The following PPP2R3A variants were observed in gnomAD, a reference collection of about 807,000 sequenced individuals.
PPP2R3A encodes the protein protein phosphatase 2 regulatory subunit B''alpha, also known as serine/threonine-protein phosphatase 2A regulatory subunit B'' subunit alpha.
In PPP2R3A, 80 loss-of-function variants were observed where a neutral mutation model predicts 106.9. The observed-to-expected ratio is 0.75, with a 90% CI of 0.62 to 0.90. The LOEUF is 0.90. Among genes scored for constraint, PPP2R3A ranks in the 40% least tolerant of loss-of-function variants. The pLI is 0.00. For synonymous variants in PPP2R3A, 483 were observed against 468.3 expected, an observed-to-expected ratio of 1.03 and a Z score of -0.41; for missense variants, 1,386 against 1,350.4, an observed-to-expected ratio of 1.03 and a Z score of -0.41.
Position 136,145,234 on chromosome 3 carries a change from C to T in PPP2R3A, c.*68C>T, listed in dbSNP as rs1939071924. On this transcript the variant is annotated 3_prime_UTR_variant, in exon 14 of 14. Transcript: ENST00000264977. The stretch of plus-strand genomic sequence containing the variant: ...TTTCTTTCTTGTGAAGAGATGTTCT[C>T]GTTTGCATACTGCTTTTTAAAGACT... 6 of 1,517,394 alleles carry T rather than the reference C, an allele frequency of 4.0e-6. 1 individual carries two copies. The South Asian group carries it at 6.5e-5, about 16-fold the overall frequency. The allele number at this position is 1,517,394 out of a possible 1,614,324, so 94.0% of individuals were successfully genotyped here. A position where few individuals can be genotyped will look rare whatever the true frequency, so the allele number is the denominator to read the frequency against.
chr3:136,123,958 G>A (rs975794666), intron 13 of PPP2R3A, among the ~76,000 whole-genome samples: 5 of 152,182 alleles, frequency 3.3e-5, no homozygotes, highest in South Asian at 4.1e-4. Flanking sequence ...TCATCCAGGT[G>A]TACACAGAAC....
intron 3 of PPP2R3A, among the ~76,000 whole-genome samples, chr3:136,032,463 A>T (rs1333654374): frequency 6.6e-6 from 1 of 151,170 alleles, no homozygotes; most frequent in African/African-American, 2.4e-5. Flanking sequence ...GTAAACGATC[A>T]TATCATCAGC....
chr3:136,070,358 C>A, intron 5 of PPP2R3A, 120 bp from the exon 6 acceptor site: 2 of 631,324 alleles, frequency 3.2e-6, no homozygotes. Context: ...ATTTTAAGTG[C>A]ATTATTCATT....
At chr3:136,040,159 A>G (rs776548454) in intron 3 of PPP2R3A, among the ~76,000 whole-genome samples, 1 of 152,188 alleles carries the variant, frequency 6.6e-6, no homozygotes, top group Non-Finnish European at 1.5e-5. Flanking sequence ...ACACGAAGTT[A>G]TTTTCTGCTT....
chr3:136,060,083 G>C (rs998533935), intron 5 of PPP2R3A, among the ~76,000 whole-genome samples: 14 of 152,154 alleles, frequency 9.2e-5, no homozygotes, highest in African/African-American at 3.4e-4. Flanking sequence ...AAACCCTCTT[G>C]ACGCAAGTTT....
In PPP2R3A at chr3:136,095,135, G is replaced by GT. The variant is rs200773773; in HGVS notation, c.2927+4478dup. ...GTTAATTCTCCAGCATCTTTGAACT[G>GT]TTTTTTTTTTCTATGGGGGGAGGTC... On this transcript the variant is annotated intron_variant, in intron 10 of 13. Coordinates refer to ENST00000264977, the MANE Select transcript of PPP2R3A (RefSeq NM_002718.5). Among the ~76,000 whole-genome samples, 1,193 of 149,794 alleles carry GT rather than the reference G, an allele frequency of 8.0e-3. 12 individuals are homozygous for GT. Among genetic ancestry groups the GT allele is most frequent in the East Asian group, 0.049 (249 of 5,120 alleles).
chr3:135,983,075 G>T (rs1194203577), intron 1 of PPP2R3A, among the ~76,000 whole-genome samples: 1 of 152,152 alleles, frequency 6.6e-6, no homozygotes, highest in Non-Finnish European at 1.5e-5. Context: ...GGCATCAGTG[G>T]GGTCAAGAAA....
intron 13 of PPP2R3A, among the ~76,000 whole-genome samples, chr3:136,112,772 A>C (rs1356384398): frequency 2.6e-5 from 4 of 152,234 alleles, no homozygotes; most frequent in African/African-American, 9.6e-5. Context: ...AGCAATCTAC[A>C]GATTCAGTGC....
At chr3:136,060,296 T>C (rs561671811) in intron 5 of PPP2R3A, among the ~76,000 whole-genome samples, 1 of 152,300 alleles carries the variant, frequency 6.6e-6, no homozygotes, top group Admixed American at 6.5e-5. Context: ...ATCTCACTTA[T>C]ATGTAAATCT....
Position 136,064,277 on chromosome 3 carries a change from G to T in PPP2R3A, c.2470-6201G>T, listed in dbSNP as rs565783774. On this transcript the variant is annotated intron_variant, in intron 5 of 13. Transcript: ENST00000264977. ...CTCTGGGGACTGTTGTGGGGTGGGG[G>T]GAGGGGGGAGGGATAGCATTTGGAG... 1.2e-4 allele frequency among the ~76,000 whole-genome samples: 13 copies of T among 111,198 alleles called. No individual in the cohort carries two copies. The South Asian group carries it at 4.2e-3, about 36-fold the overall frequency. The allele number at this position is 111,198 out of a possible 152,430, so 73.0% of individuals were successfully genotyped here.
At chr3:136,119,186 G>A (rs1004149981) in intron 13 of PPP2R3A, among the ~76,000 whole-genome samples, 2 of 152,064 alleles carry the variant, frequency 1.3e-5, no homozygotes, top group African/African-American at 4.8e-5. Context: ...AACTGAAACT[G>A]GATCCCTTCC....
intron 5 of PPP2R3A, among the ~76,000 whole-genome samples, chr3:136,062,630 A>G (rs1424364489): frequency 6.6e-6 from 1 of 151,796 alleles, no homozygotes; most frequent in East Asian, 1.9e-4. Context: ...GGGCAGGAGA[A>G]TGGCGTGAAC....
intron 12 of PPP2R3A, among the ~76,000 whole-genome samples, chr3:136,104,290 TTC>T (rs1452068804): frequency 2.2e-5 from 3 of 134,984 alleles, no homozygotes; most frequent in Non-Finnish European, 4.8e-5. Flanking sequence ...TTATATTTGT[TTC>T]TTTCTTTGTG....
chr3:136,133,556 T>C (rs1419299208), intron 13 of PPP2R3A, among the ~76,000 whole-genome samples: 1 of 152,078 alleles, frequency 6.6e-6, no homozygotes, highest in Non-Finnish European at 1.5e-5. Flanking sequence ...TTAGAAAAGT[T>C]TGGCAGTTTC....
At chr3:136,041,250 G>GT (rs1246326384) in intron 4 of PPP2R3A, among the ~76,000 whole-genome samples, 17,669 of 55,278 alleles carry the variant, frequency 0.32, 3,261 homozygotes, top group African/African-American at 0.46. Context: ...TTTTTTTTTT[G>GT]TTTTTTTTTT....
chr3:136,031,963 C>T (rs1051154703), intron 3 of PPP2R3A, among the ~76,000 whole-genome samples: 3 of 152,088 alleles, frequency 2.0e-5, no homozygotes, highest in African/African-American at 7.2e-5. Context: ...ATTCTTTTTG[C>T]TTAGTCTTGC....
intron 13 of PPP2R3A, among the ~76,000 whole-genome samples, chr3:136,128,520 A>C (rs1392813412): frequency 2.6e-5 from 4 of 152,214 alleles, no homozygotes; most frequent in African/African-American, 7.2e-5. Flanking sequence ...TTCATAAAGC[A>C]AGTTCTCAGA....
intron 10 of PPP2R3A, among the ~76,000 whole-genome samples, chr3:136,100,684 G>GA (rs1452517010): frequency 6.6e-6 from 1 of 150,662 alleles, no homozygotes. Context: ...GATGCCATCT[G>GA]AAAAAAAAAT....
intron 8 of PPP2R3A, among the ~76,000 whole-genome samples, chr3:136,087,245 G>GTGTCTC (rs1403359444): frequency 2.7e-5 from 2 of 75,078 alleles, no homozygotes; most frequent in Non-Finnish European, 5.1e-5. Flanking sequence ...CTCTAGTCGT[G>GTGTCTC]TCTCTCTCTC....
Sources: allele counts gnomAD v4.1 joint callset (sites outside exome capture counted in the v4.1 genomes callset), GRCh38; gene constraint gnomAD v4.1.1; transcripts MANE v1.5; gene names NCBI Gene and HGNC (gene_info 2026-07-23, HGNC 2026-07-21).